DSG1: variants seen among roughly 807,000 people sequenced by gnomAD.
DSG1 encodes desmoglein 1.
DSG1 carries 39 observed loss-of-function variants against 97.5 expected under a neutral mutation model. The ratio of observed to expected loss-of-function variants is 0.40; its 90% confidence interval spans 0.31 to 0.52. DSG1 has a LOEUF of 0.52. DSG1 is among the 20% of genes least tolerant of loss of function. DSG1 has a pLI of 0.53. For synonymous variants in DSG1, 475 were observed against 443.4 expected, an observed-to-expected ratio of 1.07 and a Z score of -0.90; for missense variants, 1,311 against 1,295.4, an observed-to-expected ratio of 1.01 and a Z score of -0.18.
At chr18:31,319,064 A>C (rs931077502) in intron 1 of DSG1, among the ~76,000 whole-genome samples, 1 of 152,204 alleles carries the variant, frequency 6.6e-6, no homozygotes, top group Non-Finnish European at 1.5e-5. Flanking sequence ...ACTGCGATAT[A>C]AAAGTTGTGC....
chr18:31,336,652 G>T, intron 9 of DSG1, 39 bp downstream of exon 9: 2 of 1,600,342 alleles, frequency 1.2e-6, no homozygotes, highest in South Asian at 2.2e-5. Flanking sequence ...CTTACATATT[G>T]AACTTAAGTA....
At chr18:31,318,578 C>G (rs1414738973) in intron 1 of DSG1, among the ~76,000 whole-genome samples, 1 of 152,140 alleles carries the variant, frequency 6.6e-6, no homozygotes, top group African/African-American at 2.4e-5. Flanking sequence ...ATCTCTGACA[C>G]TGAAGTCATT....
intron 3 of DSG1, 97 bp from the exon 4 acceptor site, chr18:31,328,092 G>A (rs2071697467): frequency 5.5e-6 from 7 of 1,276,304 alleles, no homozygotes; most frequent in Admixed American, 2.0e-5. Context: ...TAAATAACAA[G>A]GTCATCACAT....
rs2071711312 is a variant in DSG1 at position 31,330,137 on chromosome 18, A to G, written c.517+101A>G. ...ACATCATGAATGTAAGAGATAAACT[A>G]TAGAAAAGATGCAGAATAGCAAGTC... On this transcript the variant is annotated intron_variant, in intron 5 of 14. Transcript: ENST00000257192. 2.8e-6 allele frequency: 4 copies of G among 1,412,232 alleles called. 1 individual carries two copies. Among genetic ancestry groups the G allele is most frequent in the Non-Finnish European group, 4.0e-6 (4 of 1,004,160 alleles). The allele number at this position is 1,412,232 out of a possible 1,614,324, so 87.5% of individuals were successfully genotyped here.
chr18:31,318,220 C>G lies in DSG1; in HGVS notation c.-81C>G. ...CTGAGAAATTATTTTAATCAGACACCAGCTGAGTGGGAGAAAGAAAAAGAA... is the reference window on the plus strand; with the variant it reads ...CTGAGAAATTATTTTAATCAGACACGAGCTGAGTGGGAGAAAGAAAAAGAA... On this transcript the variant is annotated 5_prime_UTR_variant, in exon 1 of 15. Coordinates refer to ENST00000257192, the MANE Select transcript of DSG1 (RefSeq NM_001942.4). 1 of 1,211,296 alleles carries G rather than the reference C, an allele frequency of 8.3e-7. No homozygotes were observed. The allele number at this position is 1,211,296 out of a possible 1,614,324, so 75.0% of individuals were successfully genotyped here. A position where few individuals can be genotyped will look rare whatever the true frequency, so the allele number is the denominator to read the frequency against.
At chr18:31,330,682 G>A (rs757794352) in intron 5 of DSG1, among the ~76,000 whole-genome samples, 4 of 151,960 alleles carry the variant, frequency 2.6e-5, no homozygotes, top group Admixed American at 6.6e-5. Context: ...GTGTACATGC[G>A]CTCCATAATT....
At chr18:31,344,045 T>C in intron 13 of DSG1, 50 bp downstream of exon 13, 2 of 1,291,140 alleles carry the variant, frequency 1.5e-6, no homozygotes, top group Non-Finnish European at 2.2e-6. Context: ...GTAGGAAGTC[T>C]ATTTTCTCTC....
At chr18:31,341,066 TA>T (rs2071786068) in intron 11 of DSG1, among the ~76,000 whole-genome samples, 6 of 152,198 alleles carry the variant, frequency 3.9e-5, no homozygotes, top group African/African-American at 7.2e-5. Context: ...AGGGTCTAGC[TA>T]TAAAGGTAGA....
At chr18:31,349,521 G>A (rs1243381813) in intron 14 of DSG1, among the ~76,000 whole-genome samples, 1 of 144,616 alleles carries the variant, frequency 6.9e-6, no homozygotes, top group South Asian at 2.2e-4. Flanking sequence ...TTGGTAGCTT[G>A]ATGGGGATGG....
At chr18:31,326,844 T>C in intron 2 of DSG1, 30 bp from the exon 3 acceptor site, 1 of 1,607,204 alleles carries the variant, frequency 6.2e-7, no homozygotes, top group Non-Finnish European at 8.5e-7. Context: ...CAAATTAATA[T>C]ATACCATTTC....
chr18:31,348,640 G>A (rs1368443824), intron 14 of DSG1, among the ~76,000 whole-genome samples: 2 of 150,992 alleles, frequency 1.3e-5, no homozygotes, highest in Non-Finnish European at 2.9e-5. Flanking sequence ...GTTGTTTCCT[G>A]ACTTTTTAAT....
At position 31,331,905 on chromosome 18, in the gene DSG1, G is replaced by A. The variant is rs769108117; in HGVS notation, c.684+38G>A. ...CTTTAAGTGGGTTTTTGGTCTCAAA[G>A]GAACTGATTCTAAAAGCAAGGATAC... is the stretch of plus-strand genomic sequence containing the variant. On this transcript the variant is annotated intron_variant, in intron 6 of 14. Transcript: ENST00000257192. 7.5e-6 allele frequency: 12 copies of A among 1,592,616 alleles called. No homozygotes were observed. The East Asian group carries it at 2.7e-4, about 36-fold the overall frequency.
At chr18:31,348,947 T>A (rs34802384) in intron 14 of DSG1, among the ~76,000 whole-genome samples, 26,067 of 64,790 alleles carry the variant, frequency 0.4, 5,152 homozygotes, top group East Asian at 0.71. Flanking sequence ...TTTCTTTTGC[T>A]GTGCAGAAGC....
chr18:31,318,401 G>T, intron 1 of DSG1, 53 bp downstream of exon 1: 1 of 1,496,224 alleles, frequency 6.7e-7, no homozygotes. Flanking sequence ...GTAAACAAGT[G>T]AAAACTTTTT....
In DSG1 at chr18:31,343,386, A is replaced by G. The variant is rs373322652; in HGVS notation, c.1688-64A>G. The G allele has an allele frequency of 1.6e-5, 25 of 1,600,714 alleles. No individual in the cohort carries two copies. The Middle Eastern group carries it at 5.4e-4, about 34-fold the overall frequency. Reference sequence around the variant, plus strand: ...AATTCAAATTTAACCATAAAAAATCAGGTTGTTTTGTTTTTTATTTGCACC... The same window carrying G: ...AATTCAAATTTAACCATAAAAAATCGGGTTGTTTTGTTTTTTATTTGCACC... On this transcript the variant is annotated intron_variant, in intron 11 of 14. Transcript: ENST00000257192.
At position 31,345,995 on chromosome 18, in the gene DSG1, T is replaced by C. The variant is rs1568046449; in HGVS notation, c.1897T>C (p.Tyr633His). 6.2e-7 allele frequency: 1 copy of C among 1,613,170 alleles called. No individual in the cohort carries two copies. The highest frequency in any genetic ancestry group is 1.3e-5 in the African/African-American group (1 of 74,908). ...IIECIDNSGVYTNEYGGREMQ... is the reference protein window; with the variant it reads ...IIECIDNSGVHTNEYGGREMQ... ...AATTTGATCAACACTTTTAGGAGTT[T>C]ATACAAATGAGTATGGTGGCAGAGA... Residue 633 changes from tyrosine (Y) to histidine (H), a missense_variant, in exon 14 of 15, where the codon TAT becomes CAT. By Grantham distance (83) the Tyr-to-His change is moderately conservative (BLOSUM62 2). Coordinates refer to ENST00000257192, the MANE Select transcript of DSG1 (RefSeq NM_001942.4).
chr18:31,344,172 T>C (rs1297894906), intron 13 of DSG1, among the ~76,000 whole-genome samples, 177 bp downstream of exon 13: 1 of 152,206 alleles, frequency 6.6e-6, no homozygotes, highest in Non-Finnish European at 1.5e-5. Flanking sequence ...ATTATTATTG[T>C]TATATGCTTC....
In DSG1 at chr18:31,327,084, A is replaced by G. The variant is rs921085999; in HGVS notation, c.216+79A>G. ...AAAGAAACTGTCTGCTAAATATTTC[A>G]TGAACATGTCTCACCGAGAAGCTAC... On this transcript the variant is annotated intron_variant, in intron 3 of 14. Transcript: ENST00000257192. The G allele has an allele frequency of 2.4e-5, 37 of 1,557,392 alleles. No homozygotes were observed. In the African/African-American group the frequency reaches 4.3e-4, roughly 18 times the overall value.
chr18:31,345,369 T>A (rs1463831447), intron 13 of DSG1: 1 of 152,154 alleles, frequency 6.6e-6, no homozygotes, highest in Non-Finnish European at 1.5e-5. Context: ...TTAAAAAAGA[T>A]GAAACACTTG....
Sources: allele counts gnomAD v4.1 joint callset (sites outside exome capture counted in the v4.1 genomes callset), GRCh38; gene constraint gnomAD v4.1.1; transcripts MANE v1.5; gene names NCBI Gene and HGNC (gene_info 2026-07-23, HGNC 2026-07-21).